The following ANXA10 variants were observed in gnomAD, a reference collection of about 807,000 sequenced individuals.
ANXA10 encodes the protein annexin A10.
In ANXA10, 49 loss-of-function variants were observed where a neutral mutation model predicts 53.5. That is an observed-to-expected ratio of 0.92 (90% confidence interval 0.73 to 1.16). The LOEUF is 1.16. Among genes scored for constraint, ANXA10 ranks in the 50% most tolerant of loss-of-function variants. The pLI, the probability that ANXA10 is intolerant of heterozygous loss-of-function variation, is 0.00. For missense variants in ANXA10, 393 were observed against 394.4 expected, an observed-to-expected ratio of 1.00 and a Z score of 0.03; for synonymous variants, 131 against 128.9, an observed-to-expected ratio of 1.02 and a Z score of -0.11.
At chr4:168,092,938 AT>A (rs952294268) in intron 1 of ANXA10, among the ~76,000 whole-genome samples, 3 of 152,122 alleles carry the variant, frequency 2.0e-5, no homozygotes, top group East Asian at 3.8e-4. Flanking sequence ...TGATAACAAG[AT>A]TTTTTTAATG....
At chr4:168,156,143 A>T (rs1282137824) in intron 3 of ANXA10, among the ~76,000 whole-genome samples, 16 of 24,088 alleles carry the variant, frequency 6.6e-4, no homozygotes, top group African/African-American at 3.2e-3. Context: ...TTATATATAA[A>T]AATAATATAT....
chr4:168,133,949 T>C (rs1458936997), intron 2 of ANXA10, among the ~76,000 whole-genome samples: 2 of 147,602 alleles, frequency 1.4e-5, no homozygotes, highest in Non-Finnish European at 2.9e-5. Flanking sequence ...GAAAAACTTA[T>C]AATGATTACA....
At chr4:168,110,244 T>A (rs72987423) in intron 1 of ANXA10, among the ~76,000 whole-genome samples, 2,386 of 152,016 alleles carry the variant, frequency 0.016, 71 homozygotes, top group African/African-American at 0.055. Flanking sequence ...AAAATAAAAA[T>A]AAATAAACTC....
intron 2 of ANXA10, among the ~76,000 whole-genome samples, chr4:168,131,166 C>T (rs1326192179): frequency 6.6e-6 from 1 of 151,900 alleles, no homozygotes; most frequent in Non-Finnish European, 1.5e-5. Flanking sequence ...AATTTTGAGT[C>T]ATATTTTTAC....
At chr4:168,112,062 G>C (rs1394416987) in intron 1 of ANXA10, among the ~76,000 whole-genome samples, 2 of 152,154 alleles carry the variant, frequency 1.3e-5, no homozygotes, top group Admixed American at 1.3e-4. Context: ...GGGAGGCCAA[G>C]GCAGGCGGAT....
intron 1 of ANXA10, among the ~76,000 whole-genome samples, chr4:168,114,323 GA>G (rs1730856176): frequency 6.6e-6 from 1 of 151,900 alleles, no homozygotes; most frequent in Non-Finnish European, 1.5e-5. Context: ...GCCCAGGCTG[GA>G]GTGCAGTGGT....
chr4:168,099,000 T>G (rs1423049884), intron 1 of ANXA10, among the ~76,000 whole-genome samples: 2 of 152,154 alleles, frequency 1.3e-5, no homozygotes, highest in Admixed American at 6.6e-5. Flanking sequence ...TCATTCTATC[T>G]CTTAATTGAA....
At chr4:168,117,974 A>G (rs1036361929) in intron 1 of ANXA10, among the ~76,000 whole-genome samples, 35 of 151,422 alleles carry the variant, frequency 2.3e-4, no homozygotes, top group Non-Finnish European at 4.7e-4. Context: ...GGGGACAAGC[A>G]GATGAACCTA....
chr4:168,131,033 T>C (rs1331168970), intron 2 of ANXA10, among the ~76,000 whole-genome samples: 1 of 151,956 alleles, frequency 6.6e-6, no homozygotes, highest in African/African-American at 2.4e-5. Flanking sequence ...TCTATTTATG[T>C]TAGGTTTAAT....
At chr4:168,145,235 C>T (rs1252617224) in intron 3 of ANXA10, among the ~76,000 whole-genome samples, 2 of 152,150 alleles carry the variant, frequency 1.3e-5, no homozygotes, top group East Asian at 1.9e-4. Flanking sequence ...TGTAGTATTG[C>T]TTCCCGGCCT....
chr4:168,136,479 C>T (rs1560968269), intron 2 of ANXA10, among the ~76,000 whole-genome samples: 1 of 152,124 alleles, frequency 6.6e-6, no homozygotes, highest in African/African-American at 2.4e-5. Flanking sequence ...GGGGAAAAAT[C>T]AGCCAAAACA....
chr4:168,155,828 TGATATATCA>T (rs1560783838), intron 3 of ANXA10, among the ~76,000 whole-genome samples: 8,347 of 19,010 alleles, frequency 0.44, 1,931 homozygotes, highest in African/African-American at 0.47. Flanking sequence ...ATATGATATA[TGATATATCA>T]TATATAATAT....
chr4:168,169,233 T>C (rs1731939390), intron 6 of ANXA10, among the ~76,000 whole-genome samples: 1 of 152,212 alleles, frequency 6.6e-6, no homozygotes, highest in South Asian at 2.1e-4. Flanking sequence ...ATAAGATTAA[T>C]TTTAATTAAA....
intron 11 of ANXA10, among the ~76,000 whole-genome samples, chr4:168,187,042 CAAT>C (rs958123739): frequency 6.6e-6 from 1 of 151,832 alleles, no homozygotes; most frequent in Non-Finnish European, 1.5e-5. Flanking sequence ...TCATTTATAA[CAAT>C]AATAATAATA....
intron 1 of ANXA10, among the ~76,000 whole-genome samples, chr4:168,105,858 C>A (rs994811052): frequency 1.4e-4 from 22 of 152,038 alleles, no homozygotes; most frequent in Non-Finnish European, 1.5e-5. Flanking sequence ...TTGCATTTGT[C>A]TAATAATCAG....
intron 3 of ANXA10, among the ~76,000 whole-genome samples, chr4:168,148,315 C>G (rs1731437774): frequency 6.6e-6 from 1 of 151,932 alleles, no homozygotes; most frequent in Admixed American, 6.6e-5. Flanking sequence ...TACAGGTGCC[C>G]ACCACCACGC....
At chr4:168,125,251 T>G (rs1231687037) in intron 1 of ANXA10, among the ~76,000 whole-genome samples, 1 of 152,160 alleles carries the variant, frequency 6.6e-6, no homozygotes, top group Admixed American at 6.6e-5. Flanking sequence ...AAATGCCTCA[T>G]GAACGGAAAT....
intron 3 of ANXA10, among the ~76,000 whole-genome samples, chr4:168,158,721 CTTCT>C (rs1209201475): frequency 6.6e-6 from 1 of 152,080 alleles, no homozygotes; most frequent in Non-Finnish European, 1.5e-5. Context: ...AGAAAGATTC[CTTCT>C]TTCTTTGCTA....
At chr4:168,093,367 G>GT (rs1300082953) in intron 1 of ANXA10, among the ~76,000 whole-genome samples, 1 of 151,916 alleles carries the variant, frequency 6.6e-6, no homozygotes, top group Non-Finnish European at 1.5e-5. Context: ...TAGTCCAACT[G>GT]CTCTAATAGT....
Sources: gnomAD v4.1 joint callset for allele counts (sites outside exome capture counted in the v4.1 genomes callset) on GRCh38, gnomAD v4.1.1 for gene constraint, MANE v1.5 for transcripts, NCBI Gene and HGNC (gene_info 2026-07-23, HGNC 2026-07-21) for gene names.